DAAM2: variants seen among roughly 807,000 people sequenced by gnomAD.
The protein encoded by DAAM2 is dishevelled associated activator of morphogenesis 2, also known as disheveled-associated activator of morphogenesis 2.
In DAAM2, 39 loss-of-function variants were observed where a neutral mutation model predicts 120.7. The ratio of observed to expected loss-of-function variants is 0.32; its 90% CI spans 0.25 to 0.42. The LOEUF is 0.42. DAAM2 is among the 10% of genes least tolerant of loss of function. The pLI is 1.00. For synonymous variants in DAAM2, 488 were observed against 524.9 expected (o/e 0.93, Z 0.96); for missense variants, 1,283 against 1,401.7 (o/e 0.92, Z 1.35).
At chr6:39,873,188 G>A (rs1240855501) in intron 9 of DAAM2, 50 bp from the exon 10 acceptor site, 1 of 1,237,394 alleles carries the variant, frequency 8.1e-7, no homozygotes, top group South Asian at 1.3e-5. Context: ...CTCTCCTGCT[G>A]ACTTCCTCTG....
chr6:39,886,067 C>T (rs1765365416), intron 15 of DAAM2: 1 of 230,902 alleles, frequency 4.3e-6, no homozygotes, highest in Non-Finnish European at 8.4e-6. Context: ...TGTCCTCCAC[C>T]CTCTCTGCAG....
intron 19 of DAAM2, 41 bp downstream of exon 19, chr6:39,891,763 T>C (rs1012329107): frequency 1.3e-6 from 2 of 1,514,496 alleles, no homozygotes; most frequent in Non-Finnish European, 1.8e-6. Flanking sequence ...TGGAGAGTTA[T>C]CTGAGAAAGG....
At chr6:39,840,729 C>T (rs1039145991) in intron 1 of DAAM2, among the ~76,000 whole-genome samples, 2 of 152,162 alleles carry the variant, frequency 1.3e-5, no homozygotes, top group African/African-American at 4.8e-5. Context: ...TGGCAAAGCC[C>T]TGGTCTATCT....
At chr6:39,830,920 G>A (rs1477052685) in intron 1 of DAAM2, among the ~76,000 whole-genome samples, 2 of 152,146 alleles carry the variant, frequency 1.3e-5, no homozygotes, top group African/African-American at 4.8e-5. Flanking sequence ...GGCAGAAACT[G>A]GTCCTCTCAG....
At position 39,806,906 on chromosome 6, in the gene DAAM2, C is replaced by T. The variant is rs185497199; in HGVS notation, c.-57+14441C>T. Among the ~76,000 whole-genome samples, 5 of 150,640 alleles carry T rather than the reference C, an allele frequency of 3.3e-5. No individual in the cohort carries two copies. The East Asian group carries it at 9.7e-4, about 29-fold the overall frequency. On this transcript the variant is annotated intron_variant, in intron 1 of 24. Coordinates refer to ENST00000274867, the MANE Select transcript of DAAM2 (RefSeq NM_001201427.2). ...ACTGGATGTGGAGCCAAAAATAACTCCTCTTCACTAAGGGTGGAATTAAAC... is the reference window on the plus strand; with the variant it reads ...ACTGGATGTGGAGCCAAAAATAACTTCTCTTCACTAAGGGTGGAATTAAAC...
chr6:39,867,412 C>T, intron 5 of DAAM2, 98 bp from the exon 6 acceptor site: 2 of 1,161,656 alleles, frequency 1.7e-6, no homozygotes, highest in East Asian at 4.7e-5. Context: ...GTAGGTGGGA[C>T]AAGGTGCATG....
chr6:39,818,173 C>T (rs943578415), intron 1 of DAAM2, among the ~76,000 whole-genome samples: 9 of 125,278 alleles, frequency 7.2e-5, no homozygotes, highest in Non-Finnish European at 4.8e-5. Flanking sequence ...AGTGAAACTG[C>T]ATCTCAATTA....
At chr6:39,898,966 T>G in intron 22 of DAAM2, 29 bp downstream of exon 22, 1 of 1,579,512 alleles carries the variant, frequency 6.3e-7, no homozygotes, top group Admixed American at 1.7e-5. Context: ...CCTACCTGGG[T>G]GAGGGCTGCT....
At chr6:39,851,484 A>G (rs981511429) in intron 1 of DAAM2, among the ~76,000 whole-genome samples, 2 of 152,236 alleles carry the variant, frequency 1.3e-5, no homozygotes, top group African/African-American at 4.8e-5. Flanking sequence ...GCATGTAGGA[A>G]AGTCTCAAGT....
At position 39,798,012 on chromosome 6, in the gene DAAM2, A is replaced by G. The variant is rs977852546; in HGVS notation, c.-57+5547A>G. On this transcript the variant is annotated intron_variant, in intron 1 of 24. Transcript: ENST00000274867. ...TGCCTATGGCTGCTTTCGTGCTGCAATGGCAGAGTTGAGTAGATGTGACAG... is the reference window on the plus strand; with the variant it reads ...TGCCTATGGCTGCTTTCGTGCTGCAGTGGCAGAGTTGAGTAGATGTGACAG... Among the ~76,000 whole-genome samples, 24 of 152,208 alleles carry G rather than the reference A, an allele frequency of 1.6e-4. 1 individual carries two copies. Among genetic ancestry groups the G allele is most frequent in the East Asian group, 1.9e-4 (1 of 5,198 alleles).
At chr6:39,846,756 T>G (rs1290563574) in intron 1 of DAAM2, among the ~76,000 whole-genome samples, 1 of 151,912 alleles carries the variant, frequency 6.6e-6, no homozygotes, top group Admixed American at 6.6e-5. Flanking sequence ...CACACTTTAT[T>G]ATATTTATTT....
intron 1 of DAAM2, chr6:39,819,303 G>T (rs540274609): frequency 1.3e-5 from 2 of 152,318 alleles, no homozygotes; most frequent in East Asian, 3.9e-4. Context: ...GGCTTGGGGA[G>T]CCTGGCCAGT....
chr6:39,881,393 T>G (rs2504799), intron 14 of DAAM2, among the ~76,000 whole-genome samples: 106,344 of 152,228 alleles, frequency 0.7, 38,032 homozygotes, highest in African/African-American at 0.85. Context: ...TCAGGTTCCT[T>G]ATCTGTAAGT....
At chr6:39,864,908 C>T in intron 4 of DAAM2, 72 bp from the exon 5 acceptor site, 3 of 1,547,138 alleles carry the variant, frequency 1.9e-6, no homozygotes, top group Non-Finnish European at 2.6e-6. Flanking sequence ...AAGCATGGCC[C>T]CTGGGTCACA....
At chr6:39,830,844 G>C (rs914689843) in intron 1 of DAAM2, among the ~76,000 whole-genome samples, 2 of 152,210 alleles carry the variant, frequency 1.3e-5, no homozygotes, top group Non-Finnish European at 1.5e-5. Flanking sequence ...TGGCCCTGCA[G>C]TCCGGACCAG....
chr6:39,795,099 C>T (rs928722310), intron 1 of DAAM2, among the ~76,000 whole-genome samples: 3 of 152,134 alleles, frequency 2.0e-5, no homozygotes, highest in African/African-American at 7.2e-5. Context: ...AATTCCCAGG[C>T]CATGGATGCC....
intron 1 of DAAM2, among the ~76,000 whole-genome samples, chr6:39,834,097 G>C (rs949740218): frequency 3.9e-5 from 6 of 152,140 alleles, no homozygotes; most frequent in African/African-American, 1.4e-4. Flanking sequence ...TGAGTCTTGG[G>C]GTAATGGCTC....
rs1057454780 is a variant in DAAM2 at position 39,792,478 on chromosome 6, G to C, written c.-57+13G>C. The C allele has an allele frequency of 6.6e-6, 1 of 152,122 alleles. No individual in the cohort carries two copies. Among genetic ancestry groups the C allele is most frequent in the Non-Finnish European group, 1.5e-5 (1 of 68,038 alleles). 9.4% of individuals were successfully genotyped at this position (152,122 alleles called of 1,614,324 possible). ...TGGGGTCCTCGGAGTAAGTGCGGCC[G>C]GCCCTGGCGCTCCCCGTCTTGGGGC... On this transcript the variant is annotated intron_variant, in intron 1 of 24. Coordinates refer to ENST00000274867, the MANE Select transcript of DAAM2 (RefSeq NM_001201427.2).
chr6:39,881,729 A>G (rs1392200760), intron 14 of DAAM2: 1 of 152,232 alleles, frequency 6.6e-6, no homozygotes, highest in Non-Finnish European at 1.5e-5. Context: ...CGAAAAAAAA[A>G]GAGATTGCTG....
Sources: gnomAD v4.1 joint callset for allele counts (sites outside exome capture counted in the v4.1 genomes callset) on GRCh38, gnomAD v4.1.1 for gene constraint, MANE v1.5 for transcripts, NCBI Gene and HGNC (gene_info 2026-07-23, HGNC 2026-07-21) for gene names.